The following NSUN7 variants were observed in gnomAD, a reference collection of about 807,000 sequenced individuals.
NSUN7 encodes NOP2/Sun RNA methyltransferase family member 7, also known as protein NSUN7.
A neutral mutation model predicts 58.5 loss-of-function variants in NSUN7; 39 were observed. The ratio of observed to expected loss-of-function variants is 0.67; its 90% CI spans 0.52 to 0.87. The LOEUF (loss-of-function observed/expected upper bound fraction) is 0.87, where lower values mean the gene tolerates loss of function less well. Ranked by LOEUF, NSUN7 falls within the 40% of genes least tolerant of loss-of-function variation. The pLI is 0.00. For synonymous variants in NSUN7, 278 were observed against 303.7 expected (o/e 0.92, Z 0.88); for missense variants, 765 against 844.1 (o/e 0.91, Z 1.16).
chr4:40,783,828 A>G (rs1742687073), intron 7 of NSUN7, among the ~76,000 whole-genome samples: 1 of 152,150 alleles, frequency 6.6e-6, no homozygotes, highest in Admixed American at 6.5e-5. Flanking sequence ...AGCCTAGGCA[A>G]CAGAGCGAGA....
rs1288695454 is a variant in NSUN7, at chr4:40,776,202, C to T, written c.979C>T (p.Gln327Ter). The T allele has an allele frequency of 1.9e-6, 3 of 1,611,806 alleles. No individual in the cohort carries two copies. The East Asian group carries it at 6.7e-5, about 36-fold the overall frequency. ...NTSKVFVCGV[Q>*]SQAKDPDLKT... ...CTCAAAAGTATTTGTGTGTGGAGTACAATCACAAGCTAAGGATCCTGACTT... is the reference window on the plus strand; with the variant it reads ...CTCAAAAGTATTTGTGTGTGGAGTATAATCACAAGCTAAGGATCCTGACTT... The change falls in exon 7 of 12, where the codon CAA (glutamine) becomes TAA (stop). Residue 327 changes from glutamine to a stop codon, truncating the protein, a stop_gained. Coordinates refer to ENST00000381782, the MANE Select transcript of NSUN7 (RefSeq NM_024677.6). LOFTEE classifies it high-confidence loss of function.
intron 7 of NSUN7, among the ~76,000 whole-genome samples, chr4:40,787,757 AT>A (rs1249072849): frequency 2.0e-5 from 3 of 152,260 alleles, no homozygotes; most frequent in African/African-American, 7.2e-5. Context: ...GGAAGAAATA[AT>A]ACTCTTTCAG....
rs1423562945 is a variant in NSUN7 at position 40,810,739 on chromosome 4, G to A, written c.*1800G>A. The A allele has an allele frequency of 6.6e-6, 1 of 152,134 alleles. No homozygotes were observed. Among genetic ancestry groups the A allele is most frequent in the African/African-American group, 2.4e-5 (1 of 41,424 alleles). 9.4% of individuals were successfully genotyped at this position (152,134 alleles called of 1,614,324 possible). On this transcript the variant is annotated 3_prime_UTR_variant, in exon 12 of 12. Transcript: ENST00000381782. Reference sequence around the variant, plus strand: ...GTGCTCAGCTTATTTTGCTGATTTTGAAAATCAAACACTATCTCCTTGCCC... The same window carrying A: ...GTGCTCAGCTTATTTTGCTGATTTTAAAAATCAAACACTATCTCCTTGCCC...
At position 40,776,178 on chromosome 4, in the gene NSUN7, T is replaced by C. The variant is rs150491454; in HGVS notation, c.955T>C (p.Ser319Pro). 23 of 1,612,566 alleles carry C rather than the reference T, an allele frequency of 1.4e-5. No homozygotes were observed. Among genetic ancestry groups the C allele is most frequent in the Non-Finnish European group, 2.0e-5 (23 of 1,179,172 alleles). ...HMSILTNNNT[S>P]KVFVCGVQSQ... Reference sequence around the variant, plus strand: ...GTCAATTTTAACAAATAATAATACCTCAAAAGTATTTGTGTGTGGAGTACA... The same window carrying C: ...GTCAATTTTAACAAATAATAATACCCCAAAAGTATTTGTGTGTGGAGTACA... Residue 319 changes from serine to proline, a missense_variant, in exon 7 of 12, where the codon TCA becomes CCA. Coordinates refer to ENST00000381782, the MANE Select transcript of NSUN7 (RefSeq NM_024677.6).
chr4:40,780,809 A>ATT (rs1742517263), intron 7 of NSUN7, among the ~76,000 whole-genome samples: 2 of 99,434 alleles, frequency 2.0e-5, no homozygotes, highest in East Asian at 2.6e-4. Flanking sequence ...ATATATATAT[A>ATT]TATATTTTTT....
At chr4:40,760,411 C>T (rs1487415095) in intron 2 of NSUN7, 23 bp from the exon 3 acceptor site, 1 of 1,591,460 alleles carries the variant, frequency 6.3e-7, no homozygotes, top group African/African-American at 1.3e-5. Flanking sequence ...TTTTCAGTAA[C>T]AGGCCTTTCC....
chr4:40,788,084 C>T (rs1267737921), intron 7 of NSUN7, among the ~76,000 whole-genome samples: 6 of 152,194 alleles, frequency 3.9e-5, no homozygotes, highest in East Asian at 1.9e-4. Context: ...CCGCCCACCT[C>T]GGCCTCCCAA....
intron 4 of NSUN7, among the ~76,000 whole-genome samples, chr4:40,768,791 A>T (rs1218320596): frequency 6.6e-6 from 1 of 152,142 alleles, no homozygotes; most frequent in African/African-American, 2.4e-5. Flanking sequence ...TGACCAGGTT[A>T]AAAAAAGAGA....
Position 40,790,642 on chromosome 4 carries a change from A to G in NSUN7, c.1077A>G (p.Ser359=), listed in dbSNP as rs1305645085. Residue 359 remains serine, a synonymous_variant, in exon 8 of 12, where the codon TCA becomes TCG. Transcript: ENST00000381782. ...ATGAGAAATTTATTAACATTGAATC[A>G]AAGGATCACAGGTTACAGAAAGTTA... ...ILHEKFINIE[S]KDHRLQKVKV... 1 of 1,590,100 alleles carries G rather than the reference A, an allele frequency of 6.3e-7. No homozygotes were observed. The highest frequency in any genetic ancestry group is 2.3e-5 in the East Asian group (1 of 44,370).
intron 2 of NSUN7, 137 bp downstream of exon 2, chr4:40,751,128 T>G: frequency 3.3e-6 from 3 of 901,966 alleles, no homozygotes; most frequent in Non-Finnish European, 5.0e-6. Context: ...TTTGGTTAAT[T>G]GCAAGTGTCA....
chr4:40,756,228 A>G (rs147393537), intron 2 of NSUN7, among the ~76,000 whole-genome samples: 84 of 152,340 alleles, frequency 5.5e-4, no homozygotes, highest in African/African-American at 2.0e-3. Context: ...AGAGGGCGAG[A>G]GATACCCCAG....
intron 7 of NSUN7, among the ~76,000 whole-genome samples, chr4:40,776,715 A>C (rs960327425): frequency 2.0e-5 from 3 of 152,060 alleles, no homozygotes; most frequent in African/African-American, 7.2e-5. Flanking sequence ...TCCTGGGCTC[A>C]AGAGGTCCTC....
At chr4:40,783,778 G>A (rs1742684994) in intron 7 of NSUN7, among the ~76,000 whole-genome samples, 1 of 152,010 alleles carries the variant, frequency 6.6e-6, no homozygotes, top group Non-Finnish European at 1.5e-5. Flanking sequence ...GACCCAGAAG[G>A]TGGAGGTTGC....
chr4:40,799,684 A>G (rs1297315310), intron 10 of NSUN7, among the ~76,000 whole-genome samples: 1 of 152,146 alleles, frequency 6.6e-6, no homozygotes, highest in African/African-American at 2.4e-5. Flanking sequence ...GATGTTTATA[A>G]CTACTTGTTG....
In NSUN7 at chr4:40,809,013, T is replaced by C. The variant is rs1348936749; in HGVS notation, c.*74T>C. On this transcript the variant is annotated 3_prime_UTR_variant, in exon 12 of 12. Coordinates refer to ENST00000381782, the MANE Select transcript of NSUN7 (RefSeq NM_024677.6). ...AAGTCTAGTATTTCTCTGAAGATTC[T>C]ACATCTCTACACAAGATATTCATTC... The C allele has an allele frequency of 1.3e-5, 18 of 1,357,922 alleles. No individual in the cohort carries two copies. Among genetic ancestry groups the C allele is most frequent in the Non-Finnish European group, 1.8e-5 (18 of 1,025,008 alleles). 84.1% of individuals were successfully genotyped at this position (1,357,922 alleles called of 1,614,324 possible). A position where few individuals can be genotyped will look rare whatever the true frequency, so the allele number is the denominator to read the frequency against.
chr4:40,792,753 T>TA (rs747209555), intron 8 of NSUN7, among the ~76,000 whole-genome samples: 269 of 99,554 alleles, frequency 2.7e-3, no homozygotes, highest in Middle Eastern at 4.5e-3. Context: ...CCATCTCATT[T>TA]AAAAAAAAAA....
At chr4:40,791,791 T>TC (rs753667236) in intron 8 of NSUN7, among the ~76,000 whole-genome samples, 1 of 152,184 alleles carries the variant, frequency 6.6e-6, no homozygotes, top group Non-Finnish European at 1.5e-5. Context: ...CACAATAATG[T>TC]CCCAGGCAAT....
At chr4:40,769,674 A>T (rs1185133904) in intron 4 of NSUN7, among the ~76,000 whole-genome samples, 3 of 152,314 alleles carry the variant, frequency 2.0e-5, no homozygotes, top group Admixed American at 6.5e-5. Context: ...TTGCTCAGAT[A>T]TATTCTTTTT....
chr4:40,772,562 A>G (rs1742063638), intron 4 of NSUN7, among the ~76,000 whole-genome samples: 1 of 152,208 alleles, frequency 6.6e-6, no homozygotes, highest in African/African-American at 2.4e-5. Context: ...TCATATACAT[A>G]CACATAATAT....
Sources: allele counts gnomAD v4.1 joint callset (sites outside exome capture counted in the v4.1 genomes callset), GRCh38; gene constraint gnomAD v4.1.1; transcripts MANE v1.5; gene names NCBI Gene and HGNC (gene_info 2026-07-23, HGNC 2026-07-21).